TANGO6: variants seen among roughly 807,000 people sequenced by gnomAD.
TANGO6 encodes transport and Golgi organization protein 6 homolog.
TANGO6 carries 90 observed loss-of-function variants against 114.2 expected under a neutral mutation model. That is an observed-to-expected ratio of 0.79 (90% CI 0.66 to 0.94). TANGO6 has a LOEUF of 0.94. Ranked by LOEUF, TANGO6 falls within the 40% of genes least tolerant of loss-of-function variation. TANGO6 has a pLI of 0.00. For missense variants in TANGO6, 1,274 were observed against 1,315.3 expected, an observed-to-expected ratio of 0.97 and a Z score of 0.49; for synonymous variants, 477 against 509.8, an observed-to-expected ratio of 0.94 and a Z score of 0.87.
At chr16:69,041,229 C>T (rs1959769075) in intron 17 of TANGO6, among the ~76,000 whole-genome samples, 1 of 151,934 alleles carries the variant, frequency 6.6e-6, no homozygotes, top group Non-Finnish European at 1.5e-5. Context: ...GGCGGATCAC[C>T]TGAGGTCAGG....
At chr16:68,952,202 C>G (rs1228906120) in intron 14 of TANGO6, among the ~76,000 whole-genome samples, 1 of 152,164 alleles carries the variant, frequency 6.6e-6, no homozygotes, top group East Asian at 1.9e-4. Context: ...CCTGGAGCCA[C>G]CCTTTCTCTA....
intron 15 of TANGO6, among the ~76,000 whole-genome samples, chr16:69,001,817 T>C (rs1964046993): frequency 6.6e-6 from 1 of 152,184 alleles, no homozygotes; most frequent in Non-Finnish European, 1.5e-5. Flanking sequence ...TCATATCTTT[T>C]AGGTACCCAA....
chr16:69,067,265 T>C (rs1170023715), intron 17 of TANGO6, among the ~76,000 whole-genome samples: 1 of 151,998 alleles, frequency 6.6e-6, no homozygotes, highest in African/African-American at 2.4e-5. Flanking sequence ...TCCCAGCACT[T>C]TGGGAGGCCA....
In TANGO6 at chr16:68,897,540, T is replaced by C. The variant is rs200863018; in HGVS notation, c.1378-2894T>C. Among the ~76,000 whole-genome samples, 11 of 151,700 alleles carry C rather than the reference T, an allele frequency of 7.3e-5. No homozygotes were observed. The East Asian group carries it at 2.1e-3, about 29-fold the overall frequency. On this transcript the variant is annotated intron_variant, in intron 7 of 17. Transcript: ENST00000261778. ...AGTACTTGTTCATTATAAGAAGATA[T>C]AGAAAAGTATAAGGAAGAAACAAAC... is the stretch of plus-strand genomic sequence containing the variant.
chr16:69,064,773 G>A (rs1960188770), intron 17 of TANGO6, among the ~76,000 whole-genome samples: 1 of 152,204 alleles, frequency 6.6e-6, no homozygotes, highest in African/African-American at 2.4e-5. Flanking sequence ...GAGATAATGT[G>A]TGTCCAGGGC....
At chr16:68,995,338 G>A (rs1396743673) in intron 15 of TANGO6, among the ~76,000 whole-genome samples, 5 of 152,192 alleles carry the variant, frequency 3.3e-5, no homozygotes. Flanking sequence ...GTCCTGACAT[G>A]TAGACACCAG....
intron 3 of TANGO6, among the ~76,000 whole-genome samples, chr16:68,865,917 C>CAA (rs200848528): frequency 7.1e-6 from 1 of 141,358 alleles, no homozygotes. Context: ...GACTCCGTCT[C>CAA]AAAAAAAAAA....
chr16:69,077,453 T>G (rs2152244717), intron 17 of TANGO6, among the ~76,000 whole-genome samples: 1 of 152,274 alleles, frequency 6.6e-6, no homozygotes, highest in African/African-American at 2.4e-5. Context: ...CATGAATGCC[T>G]TTATTCACTC....
At chr16:69,016,262 G>A (rs926660583) in intron 15 of TANGO6, among the ~76,000 whole-genome samples, 3 of 152,182 alleles carry the variant, frequency 2.0e-5, no homozygotes, top group African/African-American at 7.2e-5. Flanking sequence ...GCCAGGCGTG[G>A]TGGCACATGC....
chr16:69,054,715 C>T (rs1261539215), intron 17 of TANGO6, among the ~76,000 whole-genome samples: 2 of 151,406 alleles, frequency 1.3e-5, no homozygotes, highest in Non-Finnish European at 1.5e-5. Flanking sequence ...GGGCGGATCA[C>T]GAGGTCAGGA....
chr16:68,844,744 C>G (rs545136933), intron 1 of TANGO6, among the ~76,000 whole-genome samples: 23 of 152,166 alleles, frequency 1.5e-4, no homozygotes, highest in Admixed American at 1.0e-3. Context: ...ATTACGATCC[C>G]CTGGGATCGG....
intron 16 of TANGO6, among the ~76,000 whole-genome samples, chr16:69,027,813 C>T (rs1244674870): frequency 6.7e-6 from 1 of 149,556 alleles, no homozygotes; most frequent in Admixed American, 6.7e-5. Flanking sequence ...CGAATTCTTG[C>T]TCTGTCGCCC....
chr16:68,980,093 G>T (rs991639465), intron 15 of TANGO6, among the ~76,000 whole-genome samples: 7 of 151,496 alleles, frequency 4.6e-5, no homozygotes, highest in African/African-American at 1.7e-4. Flanking sequence ...TGATCTGCCC[G>T]CCTCGGCCTC....
At chr16:68,942,849 C>T (rs1597030674) in intron 14 of TANGO6, among the ~76,000 whole-genome samples, 1 of 151,806 alleles carries the variant, frequency 6.6e-6, no homozygotes, top group Non-Finnish European at 1.5e-5. Context: ...CTGCAAAAGT[C>T]AAGCCTCTGA....
chr16:68,925,181 G>A (rs1246220149), intron 12 of TANGO6, among the ~76,000 whole-genome samples: 4 of 152,166 alleles, frequency 2.6e-5, no homozygotes, highest in African/African-American at 9.6e-5. Flanking sequence ...CATGGTGGCC[G>A]CACCTGGAGT....
At chr16:69,065,043 G>C (rs550284890) in intron 17 of TANGO6, among the ~76,000 whole-genome samples, 63 of 152,338 alleles carry the variant, frequency 4.1e-4, no homozygotes, top group African/African-American at 1.5e-3. Context: ...CTCTTTTCTC[G>C]TAAGCAGTAG....
At chr16:69,074,529 T>C (rs1287378808) in intron 17 of TANGO6, among the ~76,000 whole-genome samples, 1 of 152,136 alleles carries the variant, frequency 6.6e-6, no homozygotes, top group Non-Finnish European at 1.5e-5. Context: ...CAAGGACTTG[T>C]GATAAAGGAT....
At chr16:68,945,052 A>C (rs1963399823) in intron 14 of TANGO6, among the ~76,000 whole-genome samples, 1 of 152,168 alleles carries the variant, frequency 6.6e-6, no homozygotes, top group Non-Finnish European at 1.5e-5. Context: ...GAGGCAGGAG[A>C]ATCACTTGAA....
chr16:68,918,365 G>A (rs75814951), intron 11 of TANGO6, among the ~76,000 whole-genome samples: 14,970 of 152,204 alleles, frequency 0.098, 809 homozygotes, highest in African/African-American at 0.13. Flanking sequence ...TAACTTCAGT[G>A]AAGTCCAGCT....
Sources: gnomAD v4.1 joint callset for allele counts (sites outside exome capture counted in the v4.1 genomes callset) on GRCh38, gnomAD v4.1.1 for gene constraint, MANE v1.5 for transcripts, NCBI Gene and HGNC (gene_info 2026-07-23, HGNC 2026-07-21) for gene names.